EHMT1: variants seen among roughly 807,000 people sequenced by gnomAD.
EHMT1 encodes histone-lysine N-methyltransferase EHMT1.
Under a neutral mutation model 147.2 loss-of-function variants are expected in EHMT1, and 15 were observed. The ratio of observed to expected loss-of-function variants is 0.10; its 90% CI spans 0.07 to 0.16. The LOEUF is 0.16. Ranked by LOEUF, EHMT1 falls within the 10% of genes least tolerant of loss-of-function variation. The probability of loss-of-function intolerance (pLI) is 1.00; values close to 1 mark genes in which losing one functional copy is unlikely to be tolerated. For missense variants in EHMT1, 1,587 were observed against 1,772.4 expected, an observed-to-expected ratio of 0.90 and a Z score of 1.88; for synonymous variants, 795 against 709.6, an observed-to-expected ratio of 1.12 and a Z score of -1.91.
intron 1 of EHMT1, among the ~76,000 whole-genome samples, chr9:137,708,907 G>T (rs1316352569): frequency 1.3e-5 from 2 of 152,206 alleles, no homozygotes; most frequent in Non-Finnish European, 2.9e-5. Flanking sequence ...CGGGTTCCAC[G>T]CAGCCACTGT....
rs188784052 is a variant in EHMT1, at chr9:137,725,833, C to G, written c.643-2516C>G. 3.3e-3 allele frequency among the ~76,000 whole-genome samples: 506 copies of G among 152,264 alleles called. 4 individuals are homozygous for G. Among genetic ancestry groups the G allele is most frequent in the African/African-American group, 0.01 (427 of 41,558 alleles). On this transcript the variant is annotated intron_variant, in intron 3 of 26. Coordinates refer to ENST00000460843, the MANE Select transcript of EHMT1 (RefSeq NM_024757.5). ...GTACTCGCTCCCCTGTGCCTTCCAG[C>G]TCGCCCTGGCACACCCCTCTCATCT...
At chr9:137,770,267 G>C (rs1303047329) in intron 10 of EHMT1, among the ~76,000 whole-genome samples, 2 of 151,958 alleles carry the variant, frequency 1.3e-5, no homozygotes, top group Admixed American at 6.6e-5. Flanking sequence ...TTTAGTTTTA[G>C]ATAATTTATG....
At chr9:137,801,503 ATTTG>A (rs527508324) in intron 18 of EHMT1, among the ~76,000 whole-genome samples, 42 of 141,098 alleles carry the variant, frequency 3.0e-4, no homozygotes, top group Non-Finnish European at 5.9e-4. Flanking sequence ...TGTATTTTTT[ATTTG>A]TTTGTTTCTG....
At chr9:137,688,453 G>A (rs116648536) in intron 1 of EHMT1, among the ~76,000 whole-genome samples, 2,093 of 152,220 alleles carry the variant, frequency 0.014, 42 homozygotes, top group African/African-American at 0.048. Flanking sequence ...GGCCGTGGCC[G>A]GCTGCCAGCG....
chr9:137,819,978 CT>C (rs1400927680), intron 25 of EHMT1: 1 of 152,120 alleles, frequency 6.6e-6, no homozygotes, highest in Admixed American at 6.6e-5. Flanking sequence ...ATTTTAAAAC[CT>C]CTTGAAACTT....
At chr9:137,758,943 T>C (rs3125796) in intron 9 of EHMT1, among the ~76,000 whole-genome samples, 73,030 of 151,808 alleles carry the variant, frequency 0.48, 20,973 homozygotes, top group African/African-American at 0.8. Flanking sequence ...CTGGCTGACA[T>C]GATGAAACCC....
chr9:137,831,136 G>A lies in EHMT1; in HGVS notation c.3541-3213G>A, dbSNP rs147923026. Among the ~76,000 whole-genome samples, 191 of 152,260 alleles carry A rather than the reference G, an allele frequency of 1.3e-3. 2 individuals carry two copies. The highest frequency in any genetic ancestry group is 4.4e-3 in the African/African-American group (183 of 41,546). The stretch of plus-strand genomic sequence containing the variant: ...TTCCCTCCACTCCCATGACCTAATC[G>A]CTTTCCCAAAGCCTCACCCTAACCT... On this transcript the variant is annotated intron_variant, in intron 25 of 26. Coordinates refer to ENST00000460843, the MANE Select transcript of EHMT1 (RefSeq NM_024757.5).
intron 1 of EHMT1, chr9:137,640,990 G>A (rs1589083396): frequency 5.2e-6 from 1 of 192,194 alleles, no homozygotes; most frequent in East Asian, 1.7e-4. Flanking sequence ...TCTAATCCAT[G>A]TGTGTTCTAT....
intron 1 of EHMT1, among the ~76,000 whole-genome samples, chr9:137,705,232 G>A (rs145075483): frequency 6.6e-6 from 1 of 152,238 alleles, no homozygotes; most frequent in Non-Finnish European, 1.5e-5. Flanking sequence ...AGCTCAAGCA[G>A]TCCTCCTTCC....
chr9:137,716,132 T>G (rs12003209), intron 2 of EHMT1, among the ~76,000 whole-genome samples: 550 of 2,076 alleles, frequency 0.26, 23 homozygotes, highest in South Asian at 0.36. Flanking sequence ...GGAAGTTGTG[T>G]TGGTGTCATG....
intron 1 of EHMT1, among the ~76,000 whole-genome samples, chr9:137,632,814 C>A (rs1334919471): frequency 6.6e-6 from 1 of 152,178 alleles, no homozygotes; most frequent in Non-Finnish European, 1.5e-5. Flanking sequence ...TAGCATCACA[C>A]GGGGCAGGTT....
intron 1 of EHMT1, among the ~76,000 whole-genome samples, chr9:137,657,222 A>C (rs775404515): frequency 6.6e-6 from 1 of 152,196 alleles, no homozygotes; most frequent in Non-Finnish European, 1.5e-5. Flanking sequence ...AAGCAGCAGG[A>C]GCAAGGCGTG....
rs1947194116 is a variant in EHMT1, at chr9:137,732,481, AG to A, written c.823+3953del. 1.3e-5 allele frequency among the ~76,000 whole-genome samples: 2 copies of A among 152,218 alleles called. No individual in the cohort carries two copies. Among genetic ancestry groups the A allele is most frequent in the African/African-American group, 4.8e-5 (2 of 41,454 alleles). ...CTCAGCGGAGAGGAGACCCAAAGTC[AG>A]TAGCTCCTACTGGCAGGGAGGCAGT... On this transcript the variant is annotated intron_variant, in intron 4 of 26. Coordinates refer to ENST00000460843, the MANE Select transcript of EHMT1 (RefSeq NM_024757.5). This position sits in a 1 kb window ranked among gnomAD's most constrained non-coding sequence, Gnocchi z 4.6.
chr9:137,797,597 A>G (rs571114120), intron 16 of EHMT1, among the ~76,000 whole-genome samples: 18 of 152,256 alleles, frequency 1.2e-4, no homozygotes, highest in African/African-American at 4.3e-4. Context: ...TTTAACAACC[A>G]TGCATCATTT....
At chr9:137,725,263 C>T (rs1423272903) in intron 3 of EHMT1, among the ~76,000 whole-genome samples, 2 of 150,558 alleles carry the variant, frequency 1.3e-5, no homozygotes, top group Non-Finnish European at 3.0e-5. Flanking sequence ...ATGTGGCCTT[C>T]GTGTGGCATT....
intron 1 of EHMT1, among the ~76,000 whole-genome samples, chr9:137,675,792 T>TATTTTTATTTTTA (rs1941222046): frequency 8.1e-6 from 1 of 123,880 alleles, no homozygotes; most frequent in East Asian, 2.2e-4. Flanking sequence ...TTTTTTTTTT[T>TATTTTTATTTTTA]TTTTTTTTTT....
intron 1 of EHMT1, among the ~76,000 whole-genome samples, chr9:137,690,900 C>T (rs1254792487): frequency 3.3e-5 from 5 of 152,220 alleles, no homozygotes; most frequent in African/African-American, 1.2e-4. Flanking sequence ...CTGGGTCATA[C>T]AGAGAGGACT....
chr9:137,813,576 C>T lies in EHMT1; in HGVS notation c.3180+46C>T. 8 of 1,610,996 alleles carry T rather than the reference C, an allele frequency of 5.0e-6. No homozygotes were observed. The highest frequency in any genetic ancestry group is 2.2e-5 in the East Asian group (1 of 44,856). ...GGCTGACTCAGGCCAGGACATGGGACAGGCAGAAGCTTCTTGAGCCTGGGG... is the reference window on the plus strand; with the variant it reads ...GGCTGACTCAGGCCAGGACATGGGATAGGCAGAAGCTTCTTGAGCCTGGGG... On this transcript the variant is annotated intron_variant, in intron 21 of 26. Transcript: ENST00000460843. The surrounding 1 kb of genome is among the most constrained non-coding windows in gnomAD (Gnocchi z 4.9).
chr9:137,751,032 A>G (rs1948923631), intron 6 of EHMT1, among the ~76,000 whole-genome samples: 1 of 152,258 alleles, frequency 6.6e-6, no homozygotes, highest in East Asian at 1.9e-4. Context: ...CTCAGAATAT[A>G]TGAAAAACCA....
Sources: gnomAD v4.1 joint callset for allele counts (sites outside exome capture counted in the v4.1 genomes callset) on GRCh38, gnomAD v4.1.1 for gene constraint, Gnocchi (gnomAD v3.1) non-coding constraint, MANE v1.5 for transcripts, NCBI Gene and HGNC (gene_info 2026-07-23, HGNC 2026-07-21) for gene names.